The following IKZF2 variants were observed in gnomAD, a reference collection of about 807,000 sequenced individuals.
IKZF2 encodes zinc finger protein Helios.
A neutral mutation model predicts 49.2 loss-of-function variants in IKZF2; 15 were observed. The observed-to-expected ratio is 0.30, with a 90% CI of 0.20 to 0.47. The LOEUF (loss-of-function observed/expected upper bound fraction) is 0.47, where lower values mean the gene tolerates loss of function less well. Among genes scored for constraint, IKZF2 ranks in the 20% least tolerant of loss-of-function variants. The probability of loss-of-function intolerance (pLI) is 1.00; values close to 1 mark genes in which losing one functional copy is unlikely to be tolerated. For missense variants in IKZF2, 567 were observed against 664.6 expected, an observed-to-expected ratio of 0.85 and a Z score of 1.61; for synonymous variants, 227 against 221.4, an observed-to-expected ratio of 1.03 and a Z score of -0.23.
At chr2:213,085,378 T>C (rs16825069) in intron 4 of IKZF2, among the ~76,000 whole-genome samples, 6,089 of 152,286 alleles carry the variant, frequency 0.04, 258 homozygotes, top group African/African-American at 0.11. Context: ...AGGGTATAAA[T>C]GGCTTATATA....
At position 213,000,252 on chromosome 2, in the gene IKZF2, T is replaced by TTTTATATA. The variant is rs1553537456; in HGVS notation, c.*7107_*7108insTATATAAA. On this transcript the variant is annotated 3_prime_UTR_variant, in exon 9 of 9. Transcript: ENST00000434687. ...TGGAATTTTAACTTTACATATATAT[T>TTTTATATA]TATATATATATATATATATTTCTTT... is the stretch of plus-strand genomic sequence containing the variant. 4 of 142,970 alleles carry TTTTATATA rather than the reference T, an allele frequency of 2.8e-5. No homozygotes were observed. Among genetic ancestry groups the TTTTATATA allele is most frequent in the African/African-American group, 1.0e-4 (4 of 39,530 alleles). The allele number at this position is 142,970 out of a possible 1,614,324, so 8.9% of individuals were successfully genotyped here. A position where few individuals can be genotyped will look rare whatever the true frequency, so the allele number is the denominator to read the frequency against.
intron 8 of IKZF2, among the ~76,000 whole-genome samples, chr2:213,010,145 G>A (rs887326550): frequency 6.5e-4 from 99 of 152,056 alleles, no homozygotes; most frequent in African/African-American, 2.2e-3. Context: ...AAAAGATGAT[G>A]AATTCAGTTT....
intron 4 of IKZF2, among the ~76,000 whole-genome samples, chr2:213,061,748 AT>A (rs1477417193): frequency 6.6e-6 from 1 of 151,598 alleles, no homozygotes; most frequent in African/African-American, 2.4e-5. Context: ...AGCAAAAAAA[AT>A]ACTATTAACT....
intron 6 of IKZF2, among the ~76,000 whole-genome samples, chr2:213,032,709 C>A (rs1698590915): frequency 6.6e-6 from 1 of 152,192 alleles, no homozygotes; most frequent in Non-Finnish European, 1.5e-5. Context: ...TGTGATTGCA[C>A]CACTGCACTG....
At chr2:213,072,514 T>C (rs1702820381) in intron 4 of IKZF2, among the ~76,000 whole-genome samples, 1 of 152,048 alleles carries the variant, frequency 6.6e-6, no homozygotes, top group African/African-American at 2.4e-5. Flanking sequence ...CTTATCCCTG[T>C]AGTGGAATAA....
chr2:213,116,772 G>A (rs1313380610), intron 4 of IKZF2, among the ~76,000 whole-genome samples: 1 of 152,118 alleles, frequency 6.6e-6, no homozygotes, highest in Non-Finnish European at 1.5e-5. Context: ...ATTTTGTATG[G>A]TAATTGGCTC....
At chr2:213,120,484 T>C (rs1302140171) in intron 4 of IKZF2, among the ~76,000 whole-genome samples, 5 of 152,200 alleles carry the variant, frequency 3.3e-5, no homozygotes, top group African/African-American at 7.2e-5. Flanking sequence ...AAGCACAGTA[T>C]ATGTGAAAAG....
Position 213,007,417 on chromosome 2 carries a change from G to A in IKZF2, c.1524C>T (p.Ser508=). 1.2e-6 allele frequency: 2 copies of A among 1,613,496 alleles called. No individual in the cohort carries two copies. The highest frequency in any genetic ancestry group is 1.7e-6 in the Non-Finnish European group (2 of 1,179,634). Residue 508 remains serine (S), a synonymous_variant, in exon 9 of 9, where the codon AGC becomes AGT. Coordinates refer to ENST00000434687, the MANE Select transcript of IKZF2 (RefSeq NM_001387220.1). ...PLECNICGYR[S]QDRYEFSSHI... ...GTGATGAAAACTCATAACGGTCCTG[G>A]CTTCTGTAGCCACAGATGTTGCATT...
chr2:213,083,762 T>C lies in IKZF2; in HGVS notation c.140-26663A>G, dbSNP rs575333492. Among the ~76,000 whole-genome samples, 9 of 150,764 alleles carry C rather than the reference T, an allele frequency of 6.0e-5. No individual in the cohort carries two copies. In the South Asian group the frequency reaches 1.5e-3, roughly 25 times the overall value. ...AGAGATCTAGCTTGTGTGCTCCTTA[T>C]GAGAATCTAACGCCTGATGATCTGT... is the stretch of plus-strand genomic sequence containing the variant. On this transcript the variant is annotated intron_variant, in intron 4 of 8. Coordinates refer to ENST00000434687, the MANE Select transcript of IKZF2 (RefSeq NM_001387220.1).
chr2:213,106,235 C>T (rs1051855219), intron 4 of IKZF2, among the ~76,000 whole-genome samples: 1 of 151,562 alleles, frequency 6.6e-6, no homozygotes, highest in Non-Finnish European at 1.5e-5. Flanking sequence ...AAAAAAATCT[C>T]TTTTGTGGTT....
chr2:213,022,792 T>G (rs1559173441), intron 6 of IKZF2, among the ~76,000 whole-genome samples: 1 of 152,162 alleles, frequency 6.6e-6, no homozygotes, highest in Non-Finnish European at 1.5e-5. Context: ...GTCAGGATTA[T>G]TACACAATAT....
chr2:213,020,779 T>C (rs529216402), intron 7 of IKZF2, among the ~76,000 whole-genome samples: 1 of 152,248 alleles, frequency 6.6e-6, no homozygotes, highest in African/African-American at 2.4e-5. Context: ...GTATATACTC[T>C]ATAAAACAAA....
At chr2:213,052,818 G>A (rs189188799) in intron 5 of IKZF2, among the ~76,000 whole-genome samples, 91 of 152,092 alleles carry the variant, frequency 6.0e-4, no homozygotes, top group African/African-American at 1.2e-3. Context: ...ATTGAATGTC[G>A]TGGGGTATTT....
chr2:213,011,270 G>C (rs1025101483), intron 8 of IKZF2, among the ~76,000 whole-genome samples: 2 of 152,042 alleles, frequency 1.3e-5, no homozygotes, highest in African/African-American at 4.8e-5. Context: ...AGGTGTACCT[G>C]GAAGGAGATG....
chr2:213,109,301 T>A (rs1242483090), intron 4 of IKZF2, among the ~76,000 whole-genome samples: 1 of 147,868 alleles, frequency 6.8e-6, no homozygotes, highest in Admixed American at 6.6e-5. Context: ...CTCAAATAAA[T>A]CAAATCTTAC....
At position 213,006,165 on chromosome 2, in the gene IKZF2, T is replaced by C. The variant is rs1437583770; in HGVS notation, c.*1195A>G. ...CCTTACAGGGTTCAAGTTACCAGATTCAGGCCAAATTAGCAATTGCTCTGA... is the reference window on the plus strand; with the variant it reads ...CCTTACAGGGTTCAAGTTACCAGATCCAGGCCAAATTAGCAATTGCTCTGA... On this transcript the variant is annotated 3_prime_UTR_variant, in exon 9 of 9. Transcript: ENST00000434687. 6.6e-6 allele frequency: 1 copy of C among 152,068 alleles called. No homozygotes were observed. The highest frequency in any genetic ancestry group is 2.4e-5 in the African/African-American group (1 of 41,418). 9.4% of individuals were successfully genotyped at this position (152,068 alleles called of 1,614,324 possible).
chr2:213,099,079 T>C (rs562067424), intron 4 of IKZF2, among the ~76,000 whole-genome samples: 22 of 152,250 alleles, frequency 1.4e-4, no homozygotes, highest in African/African-American at 5.3e-4. Flanking sequence ...TTCAATTAAA[T>C]ATTAGCTAGT....
chr2:213,020,284 C>A (rs539928091), intron 7 of IKZF2, among the ~76,000 whole-genome samples: 1 of 152,138 alleles, frequency 6.6e-6, no homozygotes, highest in East Asian at 1.9e-4. Flanking sequence ...TGGTAAATAA[C>A]AAATTTATAG....
At chr2:213,114,977 G>A (rs1274177037) in intron 4 of IKZF2, among the ~76,000 whole-genome samples, 1 of 151,714 alleles carries the variant, frequency 6.6e-6, no homozygotes. Context: ...TTTCTAGAAT[G>A]AAGGCAAATG....
Sources: allele counts gnomAD v4.1 joint callset (sites outside exome capture counted in the v4.1 genomes callset), GRCh38; gene constraint gnomAD v4.1.1; transcripts MANE v1.5; gene names NCBI Gene and HGNC (gene_info 2026-07-23, HGNC 2026-07-21).